The following HDAC4 variants were observed in gnomAD, a reference collection of about 807,000 sequenced individuals.
The protein encoded by HDAC4 is histone deacetylase 4.
HDAC4 carries 16 observed loss-of-function variants against 135.1 expected under a neutral mutation model. The ratio of observed to expected loss-of-function variants is 0.12; its 90% confidence interval spans 0.08 to 0.18. HDAC4 has a LOEUF of 0.18. Ranked by LOEUF, HDAC4 falls within the 10% of genes least tolerant of loss-of-function variation. HDAC4 has a pLI of 1.00. For synonymous variants in HDAC4, 685 were observed against 653.4 expected, an observed-to-expected ratio of 1.05 and a Z score of -0.74; for missense variants, 1,143 against 1,511.8, an observed-to-expected ratio of 0.76 and a Z score of 4.05.
intron 24 of HDAC4, among the ~76,000 whole-genome samples, chr2:239,063,263 C>T (rs187556977): frequency 7.4e-4 from 112 of 152,016 alleles, no homozygotes; most frequent in African/African-American, 2.6e-3. Flanking sequence ...TGTGGTGGCG[C>T]GATCTCGGCT....
intron 5 of HDAC4, 43 bp from the exon 6 acceptor site, chr2:239,163,966 G>T (rs771531986): frequency 6.2e-7 from 1 of 1,613,196 alleles, no homozygotes; most frequent in Non-Finnish European, 8.5e-7. Flanking sequence ...GTGTGGCTCT[G>T]CCCTACAGCA....
chr2:239,321,460 G>T (rs974806952), intron 2 of HDAC4, among the ~76,000 whole-genome samples: 1 of 72,614 alleles, frequency 1.4e-5, no homozygotes, highest in African/African-American at 5.4e-5. Context: ...GCAAGACTCC[G>T]TCTCAAAAAA....
chr2:239,326,898 C>T (rs1480144268), intron 2 of HDAC4, among the ~76,000 whole-genome samples: 2 of 152,186 alleles, frequency 1.3e-5, no homozygotes, highest in Admixed American at 6.5e-5. Context: ...ATGCCACCCC[C>T]AAGCACACAG....
At position 239,132,361 on chromosome 2, in the gene HDAC4, C is replaced by T. The variant is rs538560705; in HGVS notation, c.1294+1884G>A. Among the ~76,000 whole-genome samples the T allele has an allele frequency of 3.3e-5, 5 of 152,328 alleles. 1 individual carries two copies. The South Asian group carries it at 1.0e-3, about 32-fold the overall frequency. On this transcript the variant is annotated intron_variant, in intron 11 of 26. Transcript: ENST00000543185. ...CACACGTGACACTGGCTCCGAGGCT[C>T]CCTGCCAGGGGGTTTGCAGGATGAG...
chr2:239,232,229 G>T (rs1448167795), intron 3 of HDAC4, among the ~76,000 whole-genome samples: 2 of 152,234 alleles, frequency 1.3e-5, no homozygotes, highest in South Asian at 2.1e-4. Flanking sequence ...TAGCTACAAT[G>T]AATCTGAAAC....
intron 2 of HDAC4, among the ~76,000 whole-genome samples, chr2:239,280,114 T>C (rs1449114089): frequency 6.6e-6 from 1 of 152,070 alleles, no homozygotes; most frequent in Non-Finnish European, 1.5e-5. Context: ...AATCTCCTTA[T>C]GCCACTTGAG....
chr2:239,234,952 C>A (rs191634909), intron 3 of HDAC4, among the ~76,000 whole-genome samples: 1 of 152,280 alleles, frequency 6.6e-6, no homozygotes, highest in Admixed American at 6.5e-5. Flanking sequence ...CTCAAAAATG[C>A]CCCAGCCACA....
At chr2:239,127,020 TG>T (rs1300864521) in intron 11 of HDAC4, among the ~76,000 whole-genome samples, 2 of 151,962 alleles carry the variant, frequency 1.3e-5, no homozygotes, top group African/African-American at 4.8e-5. Context: ...CAATTGTTCC[TG>T]GGGGCCACAG....
chr2:239,370,650 G>A (rs757154745), intron 1 of HDAC4, among the ~76,000 whole-genome samples: 5 of 152,180 alleles, frequency 3.3e-5, no homozygotes, highest in East Asian at 3.9e-4. Flanking sequence ...AGCGGCCTCC[G>A]GGAGAGCAGG....
intron 1 of HDAC4, among the ~76,000 whole-genome samples, chr2:239,383,118 G>A (rs1695533453): frequency 6.6e-6 from 1 of 152,114 alleles, no homozygotes; most frequent in South Asian, 2.1e-4. Context: ...TCTCCAACAC[G>A]GTCTCACAGT....
At position 239,352,236 on chromosome 2, in the gene HDAC4, T is replaced by C. The variant is rs757308994; in HGVS notation, c.22+442A>G. ...GAGGCCCTCAAACACCAGGAGCAACTGTGGCCACGACCTCAGTGGGAACAT... is the reference window on the plus strand; with the variant it reads ...GAGGCCCTCAAACACCAGGAGCAACCGTGGCCACGACCTCAGTGGGAACAT... On this transcript the variant is annotated intron_variant, in intron 2 of 26. Coordinates refer to ENST00000543185, the MANE Select transcript of HDAC4 (RefSeq NM_001378414.1). The surrounding 1 kb of genome is among the most constrained non-coding windows in gnomAD (Gnocchi z 4.4). Among the ~76,000 whole-genome samples, 1 of 152,108 alleles carries C rather than the reference T, an allele frequency of 6.6e-6. No individual in the cohort carries two copies. The highest frequency in any genetic ancestry group is 1.5e-5 in the Non-Finnish European group (1 of 68,018).
At position 239,349,674 on chromosome 2, in the gene HDAC4, G is replaced by A. The variant is rs1391863982; in HGVS notation, c.22+3004C>T. On this transcript the variant is annotated intron_variant, in intron 2 of 26. Coordinates refer to ENST00000543185, the MANE Select transcript of HDAC4 (RefSeq NM_001378414.1). This position sits in a 1 kb window ranked among gnomAD's most constrained non-coding sequence, Gnocchi z 5.7. ...GGGCCACCAGCCAGTGTGTGCAGGT[G>A]GTGGTATGCACGTGTTGGGCACAAG... is the stretch of plus-strand genomic sequence containing the variant. 6.6e-6 allele frequency among the ~76,000 whole-genome samples: 1 copy of A among 152,268 alleles called. No homozygotes were observed. The highest frequency in any genetic ancestry group is 2.4e-5 in the African/African-American group (1 of 41,478).
At chr2:239,147,030 C>A (rs1469133933) in intron 7 of HDAC4, among the ~76,000 whole-genome samples, 1 of 152,184 alleles carries the variant, frequency 6.6e-6, no homozygotes, top group Non-Finnish European at 1.5e-5. Context: ...GAGGCTGGGG[C>A]CCTCCGCTCG....
intron 25 of HDAC4, 138 bp downstream of exon 25, chr2:239,054,611 G>A: frequency 4.1e-6 from 3 of 728,936 alleles, no homozygotes; most frequent in East Asian, 2.6e-5. Flanking sequence ...TGAAAGCAAG[G>A]CCTTCTGCTG....
In HDAC4 at chr2:239,115,139, C is replaced by G; in HGVS notation, c.1705G>C (p.Glu569Gln). 6.2e-7 allele frequency: 1 copy of G among 1,611,906 alleles called. No homozygotes were observed. Among genetic ancestry groups the G allele is most frequent in the African/African-American group, 1.3e-5 (1 of 75,060 alleles). ...AGVQVKQEPI[E>Q]SDEEEAEPPR... is the part of the protein sequence containing the mutation. Reference sequence around the variant, plus strand: ...GGCTCTGCCTCTTCCTCATCGCTCTCAATGGGCTCCTGCTTCACCTGCACG... The same window carrying G: ...GGCTCTGCCTCTTCCTCATCGCTCTGAATGGGCTCCTGCTTCACCTGCACG... The change falls in exon 13 of 27, where the codon GAG (glutamate) becomes CAG (glutamine). Residue 569 changes from glutamate (E) to glutamine (Q), a missense_variant. This residue lies in a region of HDAC4 where 196 missense variants were observed against 210.7 expected (regional missense o/e 0.93). Coordinates refer to ENST00000543185, the MANE Select transcript of HDAC4 (RefSeq NM_001378414.1). This position sits in a 1 kb window ranked among gnomAD's most constrained non-coding sequence, Gnocchi z 6.3.
At chr2:239,397,857 G>A (rs894729052) in intron 1 of HDAC4, among the ~76,000 whole-genome samples, 2 of 152,114 alleles carry the variant, frequency 1.3e-5, no homozygotes, top group Non-Finnish European at 2.9e-5. Context: ...TGCAGTACCC[G>A]CCTCTAACGT....
chr2:239,162,186 C>T (rs1234963472), intron 6 of HDAC4: 1 of 456,720 alleles, frequency 2.2e-6, no homozygotes, highest in African/African-American at 2.0e-5. Context: ...TGCTCCTCTT[C>T]AGAAAGGGCT....
At chr2:239,151,398 C>T (rs979358835) in intron 7 of HDAC4, among the ~76,000 whole-genome samples, 2 of 152,188 alleles carry the variant, frequency 1.3e-5, no homozygotes, top group East Asian at 3.9e-4. Flanking sequence ...CCTCACCAAG[C>T]GGGACAGCTT....
chr2:239,147,569 G>T (rs1339517596), intron 7 of HDAC4, among the ~76,000 whole-genome samples: 2 of 152,264 alleles, frequency 1.3e-5, no homozygotes, highest in Admixed American at 6.5e-5. Context: ...TTCCAGGCAC[G>T]ATGTGGCCAG....
Sources: gnomAD v4.1 joint callset for allele counts (sites outside exome capture counted in the v4.1 genomes callset) on GRCh38, gnomAD v4.1.1 for gene constraint, gnomAD v4.1.1 regional missense constraint, Gnocchi (gnomAD v3.1) non-coding constraint, MANE v1.5 for transcripts, NCBI Gene and HGNC (gene_info 2026-07-23, HGNC 2026-07-21) for gene names.